The following INPP4B variants were observed in gnomAD, a reference collection of about 807,000 sequenced individuals.
INPP4B encodes inositol polyphosphate 4-phosphatase type II.
Under a neutral mutation model 122.5 loss-of-function variants are expected in INPP4B, and 55 were observed. The ratio of observed to expected loss-of-function variants is 0.45; its 90% CI spans 0.36 to 0.56. The LOEUF (loss-of-function observed/expected upper bound fraction) is 0.56, where lower values mean the gene tolerates loss of function less well. Among genes scored for constraint, INPP4B ranks in the 20% least tolerant of loss-of-function variants. The probability of loss-of-function intolerance (pLI) is 0.00; values close to 1 mark genes in which losing one functional copy is unlikely to be tolerated. For synonymous variants in INPP4B, 403 were observed against 388.7 expected (o/e 1.04, Z -0.43); for missense variants, 1,000 against 1,097.7 (o/e 0.91, Z 1.26).
intron 2 of INPP4B, among the ~76,000 whole-genome samples, chr4:142,656,749 TG>T (rs751527482): frequency 1.3e-5 from 2 of 152,232 alleles, no homozygotes; most frequent in Non-Finnish European, 2.9e-5. Context: ...ACTGCTTTTT[TG>T]TTCTTTCTCC....
intron 2 of INPP4B, among the ~76,000 whole-genome samples, chr4:142,711,151 C>A (rs1001230171): frequency 1.1e-4 from 16 of 152,138 alleles, no homozygotes; most frequent in African/African-American, 3.4e-4. Flanking sequence ...AAAGTCAGAT[C>A]AAAGGTTTTG....
At position 142,141,093 on chromosome 4, in the gene INPP4B, T is replaced by G. The variant is rs1807555932; in HGVS notation, c.1720+4747A>C. Among the ~76,000 whole-genome samples, 3 of 152,202 alleles carry G rather than the reference T, an allele frequency of 2.0e-5. No homozygotes were observed. The South Asian group carries it at 6.2e-4, about 31-fold the overall frequency. On this transcript the variant is annotated intron_variant, in intron 18 of 25. Coordinates refer to ENST00000262992, the MANE Select transcript of INPP4B (RefSeq NM_001101669.3). The stretch of plus-strand genomic sequence containing the variant: ...AATTCAAAAGGGACATGAGGGTTGC[T>G]TTCAGATACACCTTAGGCTTAATGT...
intron 23 of INPP4B, among the ~76,000 whole-genome samples, chr4:142,105,511 T>A (rs1393136148): frequency 6.6e-6 from 1 of 152,192 alleles, no homozygotes; most frequent in African/African-American, 2.4e-5. Context: ...CAAATGCTTC[T>A]ATATGAGAAG....
At chr4:142,062,258 CCACCACATCAT>C (rs1761328453) in intron 25 of INPP4B, among the ~76,000 whole-genome samples, 2 of 152,064 alleles carry the variant, frequency 1.3e-5, no homozygotes, top group South Asian at 4.2e-4. Flanking sequence ...CACTATTACA[CCACCACATCAT>C]CATCACAGCA....
rs1327762654 is a variant in INPP4B at position 142,025,325 on chromosome 4, C to A, written c.*3457G>T. On this transcript the variant is annotated 3_prime_UTR_variant, in exon 26 of 26. Transcript: ENST00000262992. ...AAGATGTAATAGACCTAAATAGACT[C>A]AAGAGTACTAATAAATAGTATAAGG... 6.6e-6 allele frequency: 1 copy of A among 152,076 alleles called. No homozygotes were observed. The highest frequency in any genetic ancestry group is 6.6e-5 in the Admixed American group (1 of 15,266). 9.4% of individuals were successfully genotyped at this position (152,076 alleles called of 1,614,324 possible).
At chr4:142,073,416 T>G (rs1768701093) in intron 25 of INPP4B, among the ~76,000 whole-genome samples, 1 of 152,072 alleles carries the variant, frequency 6.6e-6, no homozygotes, top group African/African-American at 2.4e-5. Flanking sequence ...CCCAGTTCAG[T>G]TTTCTTTAGA....
intron 25 of INPP4B, among the ~76,000 whole-genome samples, chr4:142,080,459 G>C (rs1773326297): frequency 6.6e-6 from 1 of 152,048 alleles, no homozygotes; most frequent in Non-Finnish European, 1.5e-5. Flanking sequence ...CAGAATACTA[G>C]GGATTTGAAG....
intron 12 of INPP4B, among the ~76,000 whole-genome samples, chr4:142,228,702 A>AT: frequency 6.6e-6 from 1 of 152,006 alleles, no homozygotes; most frequent in East Asian, 1.9e-4. Context: ...TACACATGCA[A>AT]TTTTATAATA....
In INPP4B at chr4:142,227,792, AG is replaced by A. The variant is rs1475849051; in HGVS notation, c.836+10071del. On this transcript the variant is annotated intron_variant, in intron 12 of 25. Coordinates refer to ENST00000262992, the MANE Select transcript of INPP4B (RefSeq NM_001101669.3). ...AGAATTGCTTGAACCCAGGAGGCAG[AG>A]GTTGCAGTGAGCCAAGATCACACCA... is the stretch of plus-strand genomic sequence containing the variant. Among the ~76,000 whole-genome samples, 10 of 137,122 alleles carry A rather than the reference AG, an allele frequency of 7.3e-5. No homozygotes were observed. The Middle Eastern group carries it at 0.015, about 209-fold the overall frequency. The allele number at this position is 137,122 out of a possible 152,430, so 90.0% of individuals were successfully genotyped here.
At chr4:142,803,581 T>C (rs1461486055) in intron 1 of INPP4B, among the ~76,000 whole-genome samples, 1 of 151,564 alleles carries the variant, frequency 6.6e-6, no homozygotes, top group East Asian at 1.9e-4. Context: ...TTCCCTTCTG[T>C]GTTCTAAGGC....
At chr4:142,142,793 A>C (rs2152833124) in intron 18 of INPP4B, among the ~76,000 whole-genome samples, 1 of 152,256 alleles carries the variant, frequency 6.6e-6, no homozygotes, top group East Asian at 1.9e-4. Context: ...CACCACAAGG[A>C]ATGATAAACG....
At chr4:142,191,605 G>A (rs1835871393) in intron 15 of INPP4B, among the ~76,000 whole-genome samples, 1 of 152,186 alleles carries the variant, frequency 6.6e-6, no homozygotes, top group African/African-American at 2.4e-5. Flanking sequence ...CAGAGCCCAT[G>A]GTTGAAACTT....
At chr4:142,454,237 T>C (rs1022816789) in intron 3 of INPP4B, among the ~76,000 whole-genome samples, 3 of 152,138 alleles carry the variant, frequency 2.0e-5, no homozygotes, top group South Asian at 2.1e-4. Flanking sequence ...TATGAATTTA[T>C]TGAGCACCTA....
At chr4:142,329,823 TTAA>T (rs1326608140) in intron 7 of INPP4B, among the ~76,000 whole-genome samples, 1 of 152,218 alleles carries the variant, frequency 6.6e-6, no homozygotes, top group African/African-American at 2.4e-5. Flanking sequence ...CACTTGTGGA[TTAA>T]TAATTATTTA....
At chr4:142,486,415 T>A (rs1288516337) in intron 2 of INPP4B, among the ~76,000 whole-genome samples, 24 of 152,174 alleles carry the variant, frequency 1.6e-4, no homozygotes, top group Non-Finnish European at 1.5e-5. Flanking sequence ...ATTTGTTACA[T>A]CTTTATTTGA....
At chr4:142,521,622 T>C (rs7684295) in intron 2 of INPP4B, among the ~76,000 whole-genome samples, 142,987 of 151,970 alleles carry the variant, frequency 0.94, 67,902 homozygotes, top group Middle Eastern at 1. Flanking sequence ...CTGACCCCTT[T>C]TGTTTCCTTC....
chr4:142,388,021 T>G (rs540187953), intron 7 of INPP4B, among the ~76,000 whole-genome samples: 20 of 152,356 alleles, frequency 1.3e-4, no homozygotes, highest in African/African-American at 4.3e-4. Flanking sequence ...ACCTTTATTA[T>G]TTGCTGATTC....
At chr4:142,430,204 G>GCACA (rs1809000442) in intron 4 of INPP4B, among the ~76,000 whole-genome samples, 1 of 151,788 alleles carries the variant, frequency 6.6e-6, no homozygotes, top group Non-Finnish European at 1.5e-5. Flanking sequence ...ATTTATTTTT[G>GCACA]CACAGTAACT....
chr4:142,154,672 T>A (rs1002412527), intron 17 of INPP4B, among the ~76,000 whole-genome samples: 4 of 152,074 alleles, frequency 2.6e-5, no homozygotes, highest in African/African-American at 9.7e-5. Flanking sequence ...TGAATTATAG[T>A]GGGAGAAAAG....
Sources: gnomAD v4.1 joint callset for allele counts (sites outside exome capture counted in the v4.1 genomes callset) on GRCh38, gnomAD v4.1.1 for gene constraint, MANE v1.5 for transcripts, NCBI Gene and HGNC (gene_info 2026-07-23, HGNC 2026-07-21) for gene names.